The following GALNTL6 variants were observed in gnomAD, a reference collection of about 807,000 sequenced individuals.
GALNTL6 encodes the protein polypeptide N-acetylgalactosaminyltransferase-like 6.
In GALNTL6, 46 loss-of-function variants were observed where a neutral mutation model predicts 73.7. That is an observed-to-expected ratio of 0.62 (90% CI 0.49 to 0.80). The LOEUF (loss-of-function observed/expected upper bound fraction) is 0.80, where lower values mean the gene tolerates loss of function less well. Among genes scored for constraint, GALNTL6 ranks in the 30% least tolerant of loss-of-function variants. The pLI, the probability that GALNTL6 is intolerant of heterozygous loss-of-function variation, is 0.00. For synonymous variants in GALNTL6, 259 were observed against 263.7 expected (o/e 0.98, Z 0.17); for missense variants, 604 against 755.0 (o/e 0.80, Z 2.34).
intron 5 of GALNTL6, among the ~76,000 whole-genome samples, chr4:172,635,033 A>G (rs1739601241): frequency 6.6e-6 from 1 of 152,190 alleles, no homozygotes; most frequent in Non-Finnish European, 1.5e-5. Context: ...CCTGTGTCAT[A>G]ATTGAGGACT....
intron 5 of GALNTL6, among the ~76,000 whole-genome samples, chr4:172,783,297 A>G (rs558287756): frequency 5.1e-4 from 76 of 149,766 alleles, no homozygotes; most frequent in Middle Eastern, 3.5e-3. Context: ...TTATCCTTCA[A>G]TTGATCTATA....
At chr4:171,903,076 G>A (rs1237880955) in intron 2 of GALNTL6, among the ~76,000 whole-genome samples, 1 of 152,104 alleles carries the variant, frequency 6.6e-6, no homozygotes, top group African/African-American at 2.4e-5. Context: ...TAACTCAAGT[G>A]GAAGTACTTA....
Position 172,899,856 on chromosome 4 carries a change from G to T in GALNTL6, c.1041+16949G>T, listed in dbSNP as rs146286108. ...AGACCATATAGGGTAACTTCCTACC[G>T]TTGCCATGGCATTTGTAAACTGTCA... On this transcript the variant is annotated intron_variant, in intron 8 of 12. Transcript: ENST00000506823. 3.3e-5 allele frequency among the ~76,000 whole-genome samples: 5 copies of T among 152,138 alleles called. No individual in the cohort carries two copies. The East Asian group carries it at 7.7e-4, about 23-fold the overall frequency.
chr4:172,660,386 A>G (rs1239847998), intron 5 of GALNTL6, among the ~76,000 whole-genome samples: 2 of 152,228 alleles, frequency 1.3e-5, no homozygotes, highest in Non-Finnish European at 2.9e-5. Flanking sequence ...GGCAAAAGGC[A>G]TCAACTTTAC....
intron 5 of GALNTL6, among the ~76,000 whole-genome samples, chr4:172,494,251 T>A (rs6812783): frequency 6.6e-6 from 1 of 152,018 alleles, no homozygotes; most frequent in Admixed American, 6.6e-5. Flanking sequence ...GATTCCTTCA[T>A]GAAGATATTG....
At chr4:172,571,724 A>T (rs1261663086) in intron 5 of GALNTL6, among the ~76,000 whole-genome samples, 2 of 152,272 alleles carry the variant, frequency 1.3e-5, no homozygotes, top group African/African-American at 4.8e-5. Context: ...TATCCTTGAC[A>T]AATTATGAAG....
chr4:172,747,459 A>G (rs1335615737), intron 5 of GALNTL6, among the ~76,000 whole-genome samples: 4 of 152,164 alleles, frequency 2.6e-5, no homozygotes, highest in South Asian at 2.1e-4. Flanking sequence ...AATTAAAACT[A>G]TAAGAAGATA....
chr4:171,826,238 G>A (rs145633930), intron 2 of GALNTL6, among the ~76,000 whole-genome samples: 2 of 152,082 alleles, frequency 1.3e-5, no homozygotes, highest in Non-Finnish European at 2.9e-5. Flanking sequence ...TTCACTGTGA[G>A]TATAGGATTT....
At chr4:171,878,597 G>A (rs779677630) in intron 2 of GALNTL6, among the ~76,000 whole-genome samples, 8 of 151,424 alleles carry the variant, frequency 5.3e-5, no homozygotes, top group African/African-American at 7.3e-5. Flanking sequence ...TTTTCATATC[G>A]CAAGACATCT....
chr4:172,075,728 C>A (rs931319046), intron 2 of GALNTL6, among the ~76,000 whole-genome samples: 1 of 152,062 alleles, frequency 6.6e-6, no homozygotes, highest in Non-Finnish European at 1.5e-5. Context: ...CCCTTCTGCT[C>A]TAATACCCTG....
intron 2 of GALNTL6, among the ~76,000 whole-genome samples, chr4:171,910,622 A>G (rs971188001): frequency 2.0e-5 from 3 of 152,126 alleles, no homozygotes; most frequent in African/African-American, 4.8e-5. Flanking sequence ...CTGTATAAGT[A>G]TTAACCATCT....
At position 172,519,256 on chromosome 4, in the gene GALNTL6, T is replaced by G. The variant is rs1191259186; in HGVS notation, c.553+170567T>G. Among the ~76,000 whole-genome samples, 14 of 150,652 alleles carry G rather than the reference T, an allele frequency of 9.3e-5. No individual in the cohort carries two copies. The Admixed American group carries it at 9.3e-4, about 10-fold the overall frequency. ...AAGATATATTTAAGATATTTATATATGATATATTTAAAAATTAATGGTCAC... is the reference window on the plus strand; with the variant it reads ...AAGATATATTTAAGATATTTATATAGGATATATTTAAAAATTAATGGTCAC... On this transcript the variant is annotated intron_variant, in intron 5 of 12. Coordinates refer to ENST00000506823, the MANE Select transcript of GALNTL6 (RefSeq NM_001034845.3).
intron 5 of GALNTL6, among the ~76,000 whole-genome samples, chr4:172,730,092 A>T (rs1203438188): frequency 2.0e-5 from 3 of 152,146 alleles, no homozygotes; most frequent in African/African-American, 7.2e-5. Flanking sequence ...GTATCCTGAA[A>T]CTACTGAATT....
intron 2 of GALNTL6, among the ~76,000 whole-genome samples, chr4:171,967,447 G>GTTTTTTGTTTTTTGTTT (rs1553976625): frequency 4.2e-4 from 6 of 14,320 alleles, no homozygotes; most frequent in African/African-American, 5.8e-4. Context: ...CCCCCTATGG[G>GTTTTTTGTTTTTTGTTT]TTTTTTTTTT....
chr4:172,993,619 G>A (rs1238414513), intron 10 of GALNTL6, among the ~76,000 whole-genome samples: 2 of 152,210 alleles, frequency 1.3e-5, no homozygotes. Flanking sequence ...GGTTGTGCAT[G>A]CAATGGGGCT....
At chr4:172,724,301 G>T (rs995502541) in intron 5 of GALNTL6, among the ~76,000 whole-genome samples, 8 of 152,072 alleles carry the variant, frequency 5.3e-5, no homozygotes, top group African/African-American at 1.9e-4. Flanking sequence ...GATATCATTT[G>T]GAATTTATTC....
At chr4:171,875,299 C>T (rs898146987) in intron 2 of GALNTL6, among the ~76,000 whole-genome samples, 5 of 152,136 alleles carry the variant, frequency 3.3e-5, no homozygotes, top group Admixed American at 1.3e-4. Context: ...ATGGACTGAC[C>T]GGGCTGGGAG....
intron 2 of GALNTL6, among the ~76,000 whole-genome samples, chr4:171,939,972 A>T (rs560537701): frequency 6.6e-6 from 1 of 152,322 alleles, no homozygotes; most frequent in East Asian, 1.9e-4. Context: ...TATCAACTTC[A>T]GAGTCCCACA....
intron 8 of GALNTL6, among the ~76,000 whole-genome samples, chr4:172,915,703 A>C (rs1196979970): frequency 6.6e-6 from 1 of 152,372 alleles, no homozygotes; most frequent in Middle Eastern, 3.4e-3. Context: ...ACCAGGAAGA[A>C]GTCAAATCCC....
Sources: allele counts gnomAD v4.1 joint callset (sites outside exome capture counted in the v4.1 genomes callset), GRCh38; gene constraint gnomAD v4.1.1; transcripts MANE v1.5; gene names NCBI Gene and HGNC (gene_info 2026-07-23, HGNC 2026-07-21).